GJA9: variants seen among roughly 807,000 people sequenced by gnomAD.
GJA9 encodes the protein gap junction alpha-9 protein.
Under a neutral mutation model 0.4 loss-of-function variants are expected in GJA9, and 1 was observed. The observed-to-expected ratio is 2.50, with a 90% CI of 0.89 to 11.88. GJA9 has a LOEUF of 11.88. GJA9 is among the 30% of genes most tolerant of loss of function. GJA9 has a pLI of 0.12. For synonymous variants in GJA9, 190 were observed against 219.1 expected (o/e 0.87, Z 1.17); for missense variants, 550 against 602.8 (o/e 0.91, Z 0.92).
At position 38,879,822 on chromosome 1, in the gene GJA9, G is replaced by C. The variant is rs1346136756; in HGVS notation, c.-96+1610C>G. Among the ~76,000 whole-genome samples the C allele has an allele frequency of 3.9e-5, 6 of 151,994 alleles. No individual in the cohort carries two copies. The East Asian group carries it at 1.2e-3, about 30-fold the overall frequency. ...GCTCACTGCAAGCTCCGCCTCCCGG[G>C]TTCACGCCATTCTCCTGCCTCAGCC... On this transcript the variant is annotated intron_variant, in intron 1 of 1. Coordinates refer to ENST00000357771, the MANE Select transcript of GJA9 (RefSeq NM_030772.5).
At chr1:38,876,364 C>T in intron 1 of GJA9, 171 bp from the exon 2 acceptor site, 1 of 438,834 alleles carries the variant, frequency 2.3e-6, no homozygotes. Context: ...GCCTCAACCT[C>T]CCAGACTCAA....
intron 1 of GJA9, among the ~76,000 whole-genome samples, chr1:38,877,207 T>A (rs567738842): frequency 6.7e-6 from 1 of 148,616 alleles, no homozygotes; most frequent in South Asian, 2.2e-4. Flanking sequence ...GCCCGGATAA[T>A]TTTGTATTTT....
intron 1 of GJA9, among the ~76,000 whole-genome samples, chr1:38,878,475 G>A (rs905753137): frequency 9.4e-5 from 14 of 148,450 alleles, no homozygotes; most frequent in Admixed American, 5.4e-4. Context: ...TCAGGAGTTC[G>A]AGACCAGCCT....
chr1:38,881,531 G>A lies in GJA9; in HGVS notation c.-195C>T. 1.4e-6 allele frequency: 1 copy of A among 699,112 alleles called. No homozygotes were observed. The highest frequency in any genetic ancestry group is 2.6e-6 in the Non-Finnish European group (1 of 383,380). The allele number at this position is 699,112 out of a possible 1,614,324, so 43.3% of individuals were successfully genotyped here. A position where few individuals can be genotyped will look rare whatever the true frequency, so the allele number is the denominator to read the frequency against. The stretch of plus-strand genomic sequence containing the variant: ...CTGAATTTGTCCCTTTGCTGGTATA[G>A]AGCAGATTCAGTTCAGTTGAATGTA... On this transcript the variant is annotated 5_prime_UTR_variant, in exon 1 of 2. Coordinates refer to ENST00000357771, the MANE Select transcript of GJA9 (RefSeq NM_030772.5).
At position 38,875,623 on chromosome 1, in the gene GJA9, A is replaced by T. The variant is rs748226666; in HGVS notation, c.476T>A (p.Ile159Lys). The T allele has an allele frequency of 6.2e-7, 1 of 1,614,116 alleles. No individual in the cohort carries two copies. The highest frequency in any genetic ancestry group is 1.3e-5 in the African/African-American group (1 of 74,940). Residue 159 changes from isoleucine to lysine, a missense_variant, in exon 2 of 2, where the codon ATA becomes AAA. Ile to Lys is a moderately radical substitution (Grantham distance 102, BLOSUM62 -3). Coordinates refer to ENST00000357771, the MANE Select transcript of GJA9 (RefSeq NM_030772.5). ...AACCACAGAGCGAGTGAAAATGTGT[A>T]TCACATAAGTGCAAAGCAAGGTTCC... ...LRGTLLCTYVIHIFTRSVVEV... is the reference protein window; with the variant it reads ...LRGTLLCTYVKHIFTRSVVEV...
Position 38,874,348 on chromosome 1 carries a change from A to C in GJA9, c.*203T>G. The C allele has an allele frequency of 2.0e-6, 1 of 505,414 alleles. No individual in the cohort carries two copies. The highest frequency in any genetic ancestry group is 3.1e-5 in the South Asian group (1 of 32,418). 31.3% of individuals were successfully genotyped at this position (505,414 alleles called of 1,614,324 possible). On this transcript the variant is annotated 3_prime_UTR_variant, in exon 2 of 2. Transcript: ENST00000357771. ...ATCATTTAAAAAAAAAAAAATCCTG[A>C]TTTGACAACTCTATGTCTTTGAATT... is the stretch of plus-strand genomic sequence containing the variant.
intron 1 of GJA9, among the ~76,000 whole-genome samples, chr1:38,877,259 G>A (rs867243196): frequency 1.4e-4 from 20 of 138,372 alleles, no homozygotes; most frequent in Middle Eastern, 9.4e-3. Context: ...GGCTGGTCTC[G>A]AACTCCTGAC....
Position 38,875,459 on chromosome 1 carries a change from A to G in GJA9, c.640T>C (p.Phe214Leu). ...GAAATAGTGGCTATAGATTGCATAA[A>G]TAATAGGAATATTGTCTTTTCTGTT... is the stretch of plus-strand genomic sequence containing the variant. ...RPTEKTIFLL[F>L]MQSIATISLF... The change falls in exon 2 of 2, where the codon TTT (phenylalanine) becomes CTT (leucine). Residue 214 changes from phenylalanine to leucine, a missense_variant. Physicochemically the swap from Phe to Leu is conservative, Grantham distance 22. Coordinates refer to ENST00000357771, the MANE Select transcript of GJA9 (RefSeq NM_030772.5). The G allele has an allele frequency of 6.2e-7, 1 of 1,614,164 alleles. No individual in the cohort carries two copies. Among genetic ancestry groups the G allele is most frequent in the Admixed American group, 1.7e-5 (1 of 60,030 alleles).
In GJA9 at chr1:38,875,821, A is replaced by G. The variant is rs1443103279; in HGVS notation, c.278T>C (p.Met93Thr). The change falls in exon 2 of 2, where the codon ATG (methionine) becomes ACG (threonine). Residue 93 changes from methionine to threonine, a missense_variant. Met to Thr is a moderately conservative substitution (Grantham distance 81). Coordinates refer to ENST00000357771, the MANE Select transcript of GJA9 (RefSeq NM_030772.5). The part of the protein sequence containing the change: ...IFVSSPSLVY[M>T]GHALYRLRVL... The stretch of plus-strand genomic sequence containing the variant: ...TCTCAGTCGGTACAATGCATGGCCC[A>G]TGTAGACCAGGGATGGTGAAGACAC... 2 of 1,614,094 alleles carry G rather than the reference A, an allele frequency of 1.2e-6. No homozygotes were observed. Among genetic ancestry groups the G allele is most frequent in the South Asian group, 1.1e-5 (1 of 91,090 alleles).
Position 38,874,828 on chromosome 1 carries a change from GCTCTAAGC to G in GJA9, c.1263_1270del (p.Trp421CysfsTer10), listed in dbSNP as rs1642551183. ...ATGTTCTGTAGAGGAACCCCATGTA[GCTCTAAGC>G]CACCGCGGTTTCCAATCGCAGTTAG... On this transcript the variant is annotated frameshift_variant, in exon 2 of 2. Coordinates refer to ENST00000357771, the MANE Select transcript of GJA9 (RefSeq NM_030772.5). LOFTEE classifies it low-confidence loss of function (END_TRUNC). 6.2e-7 allele frequency: 1 copy of G among 1,614,070 alleles called. No individual in the cohort carries two copies. The highest frequency in any genetic ancestry group is 1.7e-5 in the Admixed American group (1 of 59,994).
chr1:38,875,689 CA>C lies in GJA9; in HGVS notation c.409del (p.Cys137ValfsTer8). Reference protein sequence around the residue: ...RDRRRLEQELCQLEKRKLNKA... With the variant: ...RDRRRLEQELXQLEKRKLNKA... ...ATTTAGTTTCCTTTTCTCCAGCTGA[CA>C]AAGCTCTTGCTCCAATCTCCTCCGA... is the stretch of plus-strand genomic sequence containing the variant. On this transcript the variant is annotated frameshift_variant, in exon 2 of 2. Transcript: ENST00000357771. LOFTEE classifies it low-confidence loss of function (END_TRUNC). 1 of 1,614,228 alleles carries C rather than the reference CA, an allele frequency of 6.2e-7. No homozygotes were observed. Among genetic ancestry groups the C allele is most frequent in the Non-Finnish European group, 8.5e-7 (1 of 1,180,036 alleles).
rs746205982 is a variant in GJA9 at position 38,875,789 on chromosome 1, C to G, written c.310G>C (p.Glu104Gln). 1.2e-6 allele frequency: 2 copies of G among 1,614,246 alleles called. No individual in the cohort carries two copies. Among genetic ancestry groups the G allele is most frequent in the Admixed American group, 1.7e-5 (1 of 60,024 alleles). The change falls in exon 2 of 2, where the codon GAG (glutamate) becomes CAG (glutamine). Residue 104 changes from glutamate (E) to glutamine (Q), a missense_variant. Glu to Gln is a conservative substitution (Grantham distance 29). Coordinates refer to ENST00000357771, the MANE Select transcript of GJA9 (RefSeq NM_030772.5). ...GHALYRLRVL[E>Q]EERQRMKAQL... is the part of the protein sequence containing the mutation. ...GCTTTCATCCTTTGCCTCTCTTCCT[C>G]AAGAACTCTCAGTCGGTACAATGCA...
In GJA9 at chr1:38,874,569, G is replaced by A. The variant is rs1317023807; in HGVS notation, c.1530C>T (p.Pro510=). The A allele has an allele frequency of 5.0e-6, 8 of 1,613,476 alleles. No individual in the cohort carries two copies. The highest frequency in any genetic ancestry group is 1.6e-4 in the Middle Eastern group (1 of 6,078). The change falls in exon 2 of 2, where the codon CCC becomes CCT. Residue 510 remains proline, a synonymous_variant. Coordinates refer to ENST00000357771, the MANE Select transcript of GJA9 (RefSeq NM_030772.5). ...CCGCTGTTTAGATCTGAAGATCTGT[G>A]GGAACCCGCCTACCAATGAGATTGT... ...LTNNLIGRRV[P]TDLQI is the part of the protein sequence containing the mutation.
chr1:38,875,075 G>T lies in GJA9; in HGVS notation c.1024C>A (p.His342Asn). Residue 342 changes from histidine (H) to asparagine (N), a missense_variant, in exon 2 of 2, where the codon CAT becomes AAT. Coordinates refer to ENST00000357771, the MANE Select transcript of GJA9 (RefSeq NM_030772.5). ...TTGTTTGAACTGATGTGTTGAAAAT[G>T]ACTACAACTAGTACTAAGTGTGGAA... ...EISTLSTSCS[H>N]FQHISSNNNK... is the part of the protein sequence containing the mutation. The T allele has an allele frequency of 6.2e-7, 1 of 1,614,082 alleles. No homozygotes were observed. The highest frequency in any genetic ancestry group is 8.5e-7 in the Non-Finnish European group (1 of 1,180,010).
chr1:38,874,458 C>G lies in GJA9; in HGVS notation c.*93G>C, dbSNP rs558404782. 316 of 948,498 alleles carry G rather than the reference C, an allele frequency of 3.3e-4. 2 individuals carry two copies. Among genetic ancestry groups the G allele is most frequent in the Admixed American group, 1.2e-3 (54 of 43,282 alleles). 58.8% of individuals were successfully genotyped at this position (948,498 alleles called of 1,614,324 possible). A position where few individuals can be genotyped will look rare whatever the true frequency, so the allele number is the denominator to read the frequency against. ...GCAGTTGTCTGTCTTAACAGCTGGTCTTTAGAGCTGCCCCTATCTATTTTT... is the reference window on the plus strand; with the variant it reads ...GCAGTTGTCTGTCTTAACAGCTGGTGTTTAGAGCTGCCCCTATCTATTTTT... On this transcript the variant is annotated 3_prime_UTR_variant, in exon 2 of 2. Transcript: ENST00000357771.
Position 38,874,409 on chromosome 1 carries a change from T to G in GJA9, c.*142A>C. 1 of 606,454 alleles carries G rather than the reference T, an allele frequency of 1.6e-6. No homozygotes were observed. Among genetic ancestry groups the G allele is most frequent in the Non-Finnish European group, 2.9e-6 (1 of 350,868 alleles). The allele number at this position is 606,454 out of a possible 1,614,324, so 37.6% of individuals were successfully genotyped here. A position where few individuals can be genotyped will look rare whatever the true frequency, so the allele number is the denominator to read the frequency against. ...GCTTCACAATCTCGAATTAGAGCTGTTTTTCTCTTGCTTAAATGAGTTTGC... is the reference window on the plus strand; with the variant it reads ...GCTTCACAATCTCGAATTAGAGCTGGTTTTCTCTTGCTTAAATGAGTTTGC... On this transcript the variant is annotated 3_prime_UTR_variant, in exon 2 of 2. Transcript: ENST00000357771.
chr1:38,876,476 C>G (rs983538554), intron 1 of GJA9: 1 of 177,086 alleles, frequency 5.6e-6, no homozygotes, highest in Non-Finnish European at 1.2e-5. Flanking sequence ...CAGGGTCTCA[C>G]TCTATTGCTG....
At chr1:38,878,049 T>C (rs553502611) in intron 1 of GJA9, among the ~76,000 whole-genome samples, 2 of 152,118 alleles carry the variant, frequency 1.3e-5, no homozygotes, top group African/African-American at 4.8e-5. Flanking sequence ...GTACTTATTA[T>C]ACTTTACTAT....
Position 38,874,516 on chromosome 1 carries a change from G to A in GJA9, c.*35C>T. The A allele has an allele frequency of 1.3e-6, 2 of 1,527,146 alleles. No homozygotes were observed. Among genetic ancestry groups the A allele is most frequent in the Non-Finnish European group, 1.8e-6 (2 of 1,112,974 alleles). 94.6% of individuals were successfully genotyped at this position (1,527,146 alleles called of 1,614,324 possible). A position where few individuals can be genotyped will look rare whatever the true frequency, so the allele number is the denominator to read the frequency against. ...CCCACGACCACTAGGCTACTTCTCTGATAATATATATAATGTCTAAAAGCC... is the reference window on the plus strand; with the variant it reads ...CCCACGACCACTAGGCTACTTCTCTAATAATATATATAATGTCTAAAAGCC... On this transcript the variant is annotated 3_prime_UTR_variant, in exon 2 of 2. Coordinates refer to ENST00000357771, the MANE Select transcript of GJA9 (RefSeq NM_030772.5).
Sources: gnomAD v4.1 joint callset for allele counts (sites outside exome capture counted in the v4.1 genomes callset) on GRCh38, gnomAD v4.1.1 for gene constraint, MANE v1.5 for transcripts, NCBI Gene and HGNC (gene_info 2026-07-23, HGNC 2026-07-21) for gene names.